The following KLF12 variants were observed in gnomAD, a reference collection of about 807,000 sequenced individuals.
The protein encoded by KLF12 is Krueppel-like factor 12.
Under a neutral mutation model 37.8 loss-of-function variants are expected in KLF12, and 9 were observed. The observed-to-expected ratio is 0.24, with a 90% confidence interval of 0.14 to 0.42. KLF12 has a LOEUF of 0.42. Ranked by LOEUF, KLF12 falls within the 10% of genes least tolerant of loss-of-function variation. The pLI, the probability that KLF12 is intolerant of heterozygous loss-of-function variation, is 1.00. For missense variants in KLF12, 411 were observed against 516.0 expected (o/e 0.80, Z 1.97); for synonymous variants, 208 against 202.1 (o/e 1.03, Z -0.25).
chr13:74,061,173 T>C (rs1450298986), intron 1 of KLF12, among the ~76,000 whole-genome samples: 2 of 152,190 alleles, frequency 1.3e-5, no homozygotes, highest in Non-Finnish European at 2.9e-5. Context: ...AGATATATTC[T>C]CTCAAAACAT....
At chr13:74,268,423 T>A in the KLF12 span, among the ~76,000 whole-genome samples, 65,275 of 151,738 alleles carry the variant, frequency 0.43, 16,853 homozygotes, top group East Asian at 0.75. Flanking sequence ...GCTCATCAGA[T>A]TATGTCGTCC....
chr13:74,215,706 C>G, the KLF12 span, among the ~76,000 whole-genome samples: 3 of 152,132 alleles, frequency 2.0e-5, no homozygotes, highest in Admixed American at 2.0e-4. Flanking sequence ...TTCGCTGCAC[C>G]AGAGATTTTC....
chr13:73,990,388 AAAAAAC>A (rs1350027750), intron 2 of KLF12, among the ~76,000 whole-genome samples: 1 of 152,100 alleles, frequency 6.6e-6, no homozygotes, highest in African/African-American at 2.4e-5. Context: ...TCCTGGACAA[AAAAAAC>A]AAAACAAGAA....
chr13:74,090,627 T>C (rs1179953208), intron 1 of KLF12, among the ~76,000 whole-genome samples: 1 of 152,174 alleles, frequency 6.6e-6, no homozygotes, highest in East Asian at 1.9e-4. Context: ...TCCATGTGCT[T>C]AGTTGCCATC....
chr13:74,154,436 C>T, the KLF12 span, among the ~76,000 whole-genome samples: 5 of 152,052 alleles, frequency 3.3e-5, no homozygotes, highest in Non-Finnish European at 5.9e-5. Context: ...TACAATTTGC[C>T]TCCCAGAATC....
At chr13:73,994,433 C>T (rs1410494843) in intron 2 of KLF12, among the ~76,000 whole-genome samples, 1 of 151,162 alleles carries the variant, frequency 6.6e-6, no homozygotes, top group Non-Finnish European at 1.5e-5. Context: ...TAAGGTAATA[C>T]CCACCATTTG....
the KLF12 span, among the ~76,000 whole-genome samples, chr13:74,263,008 C>CA: frequency 6.6e-6 from 1 of 151,846 alleles, no homozygotes; most frequent in African/African-American, 2.4e-5. Context: ...GTAAAAATAC[C>CA]AAATGTCAGC....
intron 3 of KLF12, among the ~76,000 whole-genome samples, chr13:73,890,303 G>A (rs1288228107): frequency 2.6e-5 from 4 of 151,966 alleles, no homozygotes; most frequent in Admixed American, 2.6e-4. Context: ...AGTAATGAAA[G>A]TCAGCCTTAA....
chr13:74,131,034 G>T (rs1878234368), intron 1 of KLF12, among the ~76,000 whole-genome samples: 1 of 152,108 alleles, frequency 6.6e-6, no homozygotes, highest in African/African-American at 2.4e-5. Context: ...ACTGGGTAAG[G>T]TTACCCCAAA....
At chr13:74,241,474 A>G in the KLF12 span, among the ~76,000 whole-genome samples, 2 of 152,218 alleles carry the variant, frequency 1.3e-5, no homozygotes, top group African/African-American at 4.8e-5. Flanking sequence ...GGCTCCACCC[A>G]GTTCGAGCTT....
At chr13:73,710,704 T>A (rs1875323112) in intron 7 of KLF12, among the ~76,000 whole-genome samples, 1 of 152,210 alleles carries the variant, frequency 6.6e-6, no homozygotes, top group Admixed American at 6.5e-5. Context: ...TGCTACCCCA[T>A]CTTACTCCCT....
the KLF12 span, among the ~76,000 whole-genome samples, chr13:74,160,575 C>A: frequency 1.5e-4 from 23 of 152,226 alleles, no homozygotes; most frequent in African/African-American, 5.3e-4. Context: ...ATCAAATGAG[C>A]CACAGGGGGA....
At chr13:73,870,085 C>T (rs1261653849) in intron 3 of KLF12, among the ~76,000 whole-genome samples, 1 of 152,140 alleles carries the variant, frequency 6.6e-6, no homozygotes, top group African/African-American at 2.4e-5. Flanking sequence ...TCCTAAGGTT[C>T]ACCTCTCCAT....
intron 1 of KLF12, among the ~76,000 whole-genome samples, chr13:74,087,776 G>A (rs1875398596): frequency 6.6e-6 from 1 of 151,828 alleles, no homozygotes; most frequent in South Asian, 2.1e-4. Flanking sequence ...TATCTGTTAA[G>A]TATAATATAC....
At chr13:73,835,578 T>C (rs1341296476) in intron 4 of KLF12, among the ~76,000 whole-genome samples, 1 of 151,258 alleles carries the variant, frequency 6.6e-6, no homozygotes, top group Non-Finnish European at 1.5e-5. Context: ...GAAAGGGAGG[T>C]GCAGAAAGGG....
chr13:73,749,950 G>A (rs1394654612), intron 6 of KLF12, among the ~76,000 whole-genome samples: 1 of 152,110 alleles, frequency 6.6e-6, no homozygotes, highest in Non-Finnish European at 1.5e-5. Flanking sequence ...TAATCCCTGT[G>A]GAAAGAAACA....
At chr13:73,912,439 G>A (rs769541251) in intron 3 of KLF12, among the ~76,000 whole-genome samples, 11 of 152,234 alleles carry the variant, frequency 7.2e-5, no homozygotes, top group Middle Eastern at 3.4e-3. Flanking sequence ...ACTGGAAGAC[G>A]GTGGGCCCTG....
chr13:73,750,393 A>AAGGT (rs1451155352), intron 6 of KLF12, among the ~76,000 whole-genome samples: 3 of 152,106 alleles, frequency 2.0e-5, no homozygotes, highest in African/African-American at 7.2e-5. Flanking sequence ...CATTTCACTG[A>AAGGT]TCAATATGCC....
Position 73,890,644 on chromosome 13 carries a change from G to A in KLF12, c.124-44271C>T, listed in dbSNP as rs148862728. On this transcript the variant is annotated intron_variant, in intron 3 of 7. Coordinates refer to ENST00000377669, the MANE Select transcript of KLF12 (RefSeq NM_007249.5). ...CAGCCTCCTGCACTAGGCCCCAGCA[G>A]ACTAGACCAAATCAGAATGGAGTCA... Among the ~76,000 whole-genome samples, 518 of 151,810 alleles carry A rather than the reference G, an allele frequency of 3.4e-3. 2 individuals are homozygous for A. Among genetic ancestry groups the A allele is most frequent in the African/African-American group, 0.012 (477 of 41,450 alleles).
Sources: gnomAD v4.1 joint callset for allele counts (sites outside exome capture counted in the v4.1 genomes callset) on GRCh38, gnomAD v4.1.1 for gene constraint, MANE v1.5 for transcripts, NCBI Gene and HGNC (gene_info 2026-07-23, HGNC 2026-07-21) for gene names.